The following IGSF22 variants were observed in gnomAD, a reference collection of about 807,000 sequenced individuals.
IGSF22 encodes immunoglobulin superfamily member 22, also known as immunoglobulin superfamily, member 22.
Under a neutral mutation model 127.0 loss-of-function variants are expected in IGSF22, and 119 were observed. The ratio of observed to expected loss-of-function variants is 0.94; its 90% CI spans 0.81 to 1.09. IGSF22 has a LOEUF of 1.09. Among genes scored for constraint, IGSF22 ranks in the 50% least tolerant of loss-of-function variants. IGSF22 has a pLI of 0.00. For missense variants in IGSF22, 1,518 were observed against 1,716.6 expected (o/e 0.88, Z 2.04); for synonymous variants, 568 against 664.7 (o/e 0.85, Z 2.24).
At chr11:18,705,511 G>A (rs1311660557) in intron 22 of IGSF22, 3 of 393,960 alleles carry the variant, frequency 7.6e-6, no homozygotes, top group Non-Finnish European at 1.4e-5. Flanking sequence ...ATCGTGATTG[G>A]TGAGTCTGGT....
intron 11 of IGSF22, 22 bp from the exon 12 acceptor site, chr11:18,714,646 G>GGACT: frequency 6.2e-7 from 1 of 1,612,830 alleles, no homozygotes; most frequent in Non-Finnish European, 8.5e-7. Context: ...GGTGGGCAAG[G>GGACT]GACTGGCTCA....
In IGSF22 at chr11:18,717,943, G is replaced by A. The variant is rs1487694165; in HGVS notation, c.961C>T (p.Leu321Phe). Residue 321 changes from leucine (L) to phenylalanine (F), a missense_variant, in exon 9 of 23, where the codon CTC (leucine) becomes TTC (phenylalanine). By Grantham distance (22) the Leu-to-Phe change is conservative. Transcript: ENST00000513874. ...SVGDKRMSAE[L>F]TVLDEPLKFL... is the part of the protein sequence containing the mutation. Reference sequence around the variant, plus strand: ...CCCCCACTCATACCCAGCACTGTGAGCTCTGCACTCATCCGCTTATCGCCC... The same window carrying A: ...CCCCCACTCATACCCAGCACTGTGAACTCTGCACTCATCCGCTTATCGCCC... 6.2e-7 allele frequency: 1 copy of A among 1,614,008 alleles called. No individual in the cohort carries two copies. The highest frequency in any genetic ancestry group is 8.5e-7 in the Non-Finnish European group (1 of 1,179,940).
At chr11:18,711,989 G>A in intron 15 of IGSF22, 93 bp downstream of exon 15, 4 of 1,067,076 alleles carry the variant, frequency 3.7e-6, no homozygotes, top group South Asian at 3.3e-5. Flanking sequence ...AGATGTTCCT[G>A]TGGAATTCCC....
In IGSF22 at chr11:18,706,161, C is replaced by A; in HGVS notation, c.3581-15G>T. 1 of 1,524,722 alleles carries A rather than the reference C, an allele frequency of 6.6e-7. No individual in the cohort carries two copies. Among genetic ancestry groups the A allele is most frequent in the Admixed American group, 2.0e-5 (1 of 49,956 alleles). 94.4% of individuals were successfully genotyped at this position (1,524,722 alleles called of 1,614,324 possible). On this transcript the variant is annotated splice_polypyrimidine_tract_variant and intron_variant, in intron 21 of 22. Coordinates refer to ENST00000513874, the MANE Select transcript of IGSF22 (RefSeq NM_173588.4). ...CAGGTCCTGGACTGCGCGGGCGGGG[C>A]GGGGCAGGCCGTGAGGGCGCCCCAA...
In IGSF22 at chr11:18,705,939, G is replaced by A; in HGVS notation, c.3788C>T (p.Ser1263Phe). 1.9e-6 allele frequency: 3 copies of A among 1,551,734 alleles called. No individual in the cohort carries two copies. In the African/African-American group the frequency reaches 4.1e-5, roughly 21 times the overall value. Residue 1263 changes from serine to phenylalanine, a missense_variant, in exon 22 of 23, where the codon TCC (serine) becomes TTC (phenylalanine). Coordinates refer to ENST00000513874, the MANE Select transcript of IGSF22 (RefSeq NM_173588.4). ...ITANSKFWYN[S>F]TSGVCTLVIP... ...GACGAGGGTGCACACGCCGCTGGTG[G>A]AGTTGTACCAGAACTTGGAGTTGGC...
Position 18,710,918 on chromosome 11 carries a change from A to G in IGSF22, c.2399-90T>C, listed in dbSNP as rs1848343788. Reference sequence around the variant, plus strand: ...GCTGACTTCTGCCTCGCCTGCTTAAATAAACTCAAACCAGTGATTCTTTTT... The same window carrying G: ...GCTGACTTCTGCCTCGCCTGCTTAAGTAAACTCAAACCAGTGATTCTTTTT... On this transcript the variant is annotated intron_variant, in intron 15 of 22. Transcript: ENST00000513874. 6 of 1,109,680 alleles carry G rather than the reference A, an allele frequency of 5.4e-6. No homozygotes were observed. The Admixed American group carries it at 1.3e-4, about 25-fold the overall frequency. The allele number at this position is 1,109,680 out of a possible 1,614,324, so 68.7% of individuals were successfully genotyped here.
intron 9 of IGSF22, among the ~76,000 whole-genome samples, chr11:18,717,647 C>T (rs1417493628): frequency 2.6e-5 from 4 of 152,148 alleles, no homozygotes; most frequent in African/African-American, 9.7e-5. Flanking sequence ...GTTCTCCTGC[C>T]TCAGCCTCCC....
intron 18 of IGSF22, 84 bp from the exon 19 acceptor site, chr11:18,708,379 A>AC: frequency 9.4e-7 from 1 of 1,058,930 alleles, no homozygotes. Flanking sequence ...AAGCCTTCCC[A>AC]ACCTCTCCTC....
At position 18,706,744 on chromosome 11, in the gene IGSF22, C is replaced by T. The variant is rs1448712905; in HGVS notation, c.3580+170G>A. 5 of 598,670 alleles carry T rather than the reference C, an allele frequency of 8.4e-6. No homozygotes were observed. In the Admixed American group the frequency reaches 1.4e-4, roughly 17 times the overall value. The allele number at this position is 598,670 out of a possible 1,614,324, so 37.1% of individuals were successfully genotyped here. On this transcript the variant is annotated intron_variant, in intron 21 of 22. Transcript: ENST00000513874. ...TCCACTTTAGTCTCACCCCTAAGTA[C>T]CCCGAAGAAAGCCAATATTTCCTTC...
Position 18,712,333 on chromosome 11 carries a change from C to T in IGSF22, c.2147G>A (p.Ser716Asn), listed in dbSNP as rs1032435911. The T allele has an allele frequency of 2.6e-6, 4 of 1,551,598 alleles. No homozygotes were observed. The Admixed American group carries it at 5.9e-5, about 23-fold the overall frequency. The change falls in exon 15 of 23, where the codon AGT becomes AAT. Residue 716 changes from serine (S) to asparagine (N), a missense_variant. By Grantham distance (46) the Ser-to-Asn change is conservative. This residue lies in a region of IGSF22 where 1,456 missense variants were observed against 1,644.9 expected (regional missense o/e 0.89). Transcript: ENST00000513874. Reference sequence around the variant, plus strand: ...GGCCTTCCACTTCATGTGCACACAACTACCTGAGAGCTCCAGGAACTCCAC... The same window carrying T: ...GGCCTTCCACTTCATGTGCACACAATTACCTGAGAGCTCCAGGAACTCCAC... ...GRVEFLELSGSCVHMKWKAPK... is the reference protein window; with the variant it reads ...GRVEFLELSGNCVHMKWKAPK...
chr11:18,720,871 TTCTG>T (rs952300585), intron 4 of IGSF22, among the ~76,000 whole-genome samples: 2 of 152,168 alleles, frequency 1.3e-5, no homozygotes, highest in African/African-American at 4.8e-5. Context: ...AGCAGACTAC[TTCTG>T]TCTGTGGGGA....
At chr11:18,705,397 C>G (rs1848204636) in intron 22 of IGSF22, 1 of 176,866 alleles carries the variant, frequency 5.7e-6, no homozygotes, top group Non-Finnish European at 1.2e-5. Context: ...GTTTGTGCCC[C>G]CCACCGGTCC....
intron 2 of IGSF22, 29 bp downstream of exon 2, chr11:18,724,099 G>T (rs79222020): frequency 1.9e-6 from 3 of 1,564,458 alleles, no homozygotes; most frequent in Non-Finnish European, 2.6e-6. Context: ...TGCCCTTCCC[G>T]ATCCCTTCCC....
At chr11:18,707,642 G>A (rs961020117) in intron 20 of IGSF22, among the ~76,000 whole-genome samples, 162 bp downstream of exon 20, 6 of 152,048 alleles carry the variant, frequency 3.9e-5, no homozygotes, top group East Asian at 1.9e-4. Context: ...TCTCTCTGCC[G>A]ACCATACTCT....
At chr11:18,721,395 G>T in intron 4 of IGSF22, 140 bp downstream of exon 4, 2 of 1,142,954 alleles carry the variant, frequency 1.7e-6, no homozygotes, top group Non-Finnish European at 2.6e-6. Flanking sequence ...CGCGCCTCTC[G>T]GGCAATGACA....
In IGSF22 at chr11:18,716,577, CAG is replaced by C. The variant is rs1371119871; in HGVS notation, c.1246+149_1246+150del. 1 of 738,100 alleles carries C rather than the reference CAG, an allele frequency of 1.4e-6. No individual in the cohort carries two copies. Among genetic ancestry groups the C allele is most frequent in the African/African-American group, 1.8e-5 (1 of 56,846 alleles). The allele number at this position is 738,100 out of a possible 1,614,324, so 45.7% of individuals were successfully genotyped here. On this transcript the variant is annotated intron_variant, in intron 10 of 22. Transcript: ENST00000513874. The surrounding 1 kb of genome is among the most constrained non-coding windows in gnomAD (Gnocchi z 4.5). ...CCTCCCCTACTAGACTAGGGGTTAACAGAGAGGAGATCCCCCTGTCTTTCCAG... is the reference window on the plus strand; with the variant it reads ...CCTCCCCTACTAGACTAGGGGTTAACAGAGGAGATCCCCCTGTCTTTCCAG...
intron 18 of IGSF22, 108 bp from the exon 19 acceptor site, chr11:18,708,403 C>A (rs1848288937): frequency 1.3e-6 from 1 of 777,318 alleles, no homozygotes; most frequent in South Asian, 1.9e-5. Flanking sequence ...TATGCCCCCA[C>A]TACAGGCCAT....
At chr11:18,711,434 A>G (rs147803654) in intron 15 of IGSF22, among the ~76,000 whole-genome samples, 176 of 152,162 alleles carry the variant, frequency 1.2e-3, no homozygotes, top group Middle Eastern at 3.4e-3. Context: ...GTCTCACTCT[A>G]TTGCCCAGGC....
rs752443411 is a variant in IGSF22 at position 18,709,609 on chromosome 11, G to T, written c.2776C>A (p.Pro926Thr). ...CCAGAGGGTGGGTCTCCCTCTGCAG[G>T]CTCCCGCCAGGCCAGGGAAATGCTG... ...NSSISLAWRE[P>T]AEGDPPSGYI... Residue 926 changes from proline (P) to threonine (T), a missense_variant, in exon 18 of 23, where the codon CCT becomes ACT. By Grantham distance (38) the Pro-to-Thr change is conservative (BLOSUM62 -1). This residue lies in a region of IGSF22 where 1,456 missense variants were observed against 1,644.9 expected (regional missense o/e 0.89). Transcript: ENST00000513874. The surrounding 1 kb of genome is among the most constrained non-coding windows in gnomAD (Gnocchi z 4.8). 7.4e-6 allele frequency: 12 copies of T among 1,614,046 alleles called. No homozygotes were observed. In the African/African-American group the frequency reaches 1.6e-4, roughly 22 times the overall value.
Sources: allele counts gnomAD v4.1 joint callset (sites outside exome capture counted in the v4.1 genomes callset), GRCh38; gene constraint gnomAD v4.1.1; regional missense constraint gnomAD v4.1.1; non-coding constraint Gnocchi (gnomAD v3.1); transcripts MANE v1.5; gene names NCBI Gene and HGNC (gene_info 2026-07-23, HGNC 2026-07-21).